Variants in TMEM132D observed in about 807,000 individuals in gnomAD.
TMEM132D encodes the protein transmembrane protein 132D, also known as mature OL transmembrane protein.
TMEM132D carries 21 observed loss-of-function variants against 62.3 expected under a neutral mutation model. The observed-to-expected ratio is 0.34, with a 90% confidence interval of 0.24 to 0.49. The LOEUF is 0.49. TMEM132D is among the 20% of genes least tolerant of loss of function. The pLI, the probability that TMEM132D is intolerant of heterozygous loss-of-function variation, is 0.99. For synonymous variants in TMEM132D, 621 were observed against 575.6 expected, an observed-to-expected ratio of 1.08 and a Z score of -1.13; for missense variants, 1,346 against 1,402.8, an observed-to-expected ratio of 0.96 and a Z score of 0.65.
At chr12:129,299,904 T>C (rs1165036871) in intron 4 of TMEM132D, among the ~76,000 whole-genome samples, 4 of 152,204 alleles carry the variant, frequency 2.6e-5, no homozygotes, top group Non-Finnish European at 4.4e-5. Context: ...ATCATTTTCA[T>C]AGGCAAACTT....
intron 4 of TMEM132D, among the ~76,000 whole-genome samples, chr12:129,314,880 T>C (rs933284774): frequency 6.6e-6 from 1 of 151,986 alleles, no homozygotes; most frequent in African/African-American, 2.4e-5. Context: ...TATTTATTTA[T>C]TTATCTATCT....
chr12:129,712,851 G>A (rs892028070), intron 1 of TMEM132D, among the ~76,000 whole-genome samples: 1 of 152,088 alleles, frequency 6.6e-6, no homozygotes, highest in Non-Finnish European at 1.5e-5. Context: ...GCAGCCAGAA[G>A]GAACGTCTCA....
intron 4 of TMEM132D, among the ~76,000 whole-genome samples, chr12:129,211,751 C>A (rs1879055312): frequency 6.6e-6 from 1 of 152,272 alleles, no homozygotes; most frequent in Non-Finnish European, 1.5e-5. Context: ...TATGCATAGG[C>A]CTTCAAAGTC....
intron 5 of TMEM132D, among the ~76,000 whole-genome samples, chr12:129,189,411 C>T (rs1182759511): frequency 6.6e-6 from 1 of 152,126 alleles, no homozygotes; most frequent in African/African-American, 2.4e-5. Context: ...CTGGCTCAGG[C>T]CTCAGAATCA....
At chr12:129,658,197 A>G (rs1653967676) in intron 2 of TMEM132D, among the ~76,000 whole-genome samples, 1 of 152,248 alleles carries the variant, frequency 6.6e-6, no homozygotes, top group Non-Finnish European at 1.5e-5. Context: ...AAAAGAAAGC[A>G]GCATCAGTAA....
At chr12:129,641,239 G>A (rs2137175027) in intron 2 of TMEM132D, among the ~76,000 whole-genome samples, 1 of 152,294 alleles carries the variant, frequency 6.6e-6, no homozygotes, top group African/African-American at 2.4e-5. Flanking sequence ...CAAAAAGACA[G>A]TAGGAAGCCC....
chr12:129,256,597 T>C (rs1200621286), intron 4 of TMEM132D, among the ~76,000 whole-genome samples: 2 of 152,168 alleles, frequency 1.3e-5, no homozygotes, highest in Non-Finnish European at 2.9e-5. Context: ...AGTTTTTGTA[T>C]TTTTAGTAGA....
At chr12:129,410,789 A>G (rs1195010477) in intron 3 of TMEM132D, among the ~76,000 whole-genome samples, 3 of 152,234 alleles carry the variant, frequency 2.0e-5, no homozygotes, top group Non-Finnish European at 4.4e-5. Context: ...CATACATTAC[A>G]TGTGCATACT....
At chr12:129,303,577 G>A (rs1881771524) in intron 4 of TMEM132D, among the ~76,000 whole-genome samples, 2 of 139,684 alleles carry the variant, frequency 1.4e-5, no homozygotes, top group Non-Finnish European at 3.1e-5. Context: ...ATCATCACTC[G>A]CCGGGACTCT....
chr12:129,206,749 A>T (rs973745416), intron 5 of TMEM132D, among the ~76,000 whole-genome samples: 1 of 152,242 alleles, frequency 6.6e-6, no homozygotes, highest in Non-Finnish European at 1.5e-5. Context: ...TGGTACATAT[A>T]CACCATGGAA....
rs115352997 is a variant in TMEM132D, at chr12:129,734,418, C to T, written c.80-33720G>A. On this transcript the variant is annotated intron_variant, in intron 1 of 8. Transcript: ENST00000422113. ...CCTCAGTGAAGTACTTTTTTTCTGA[C>T]CATCCCTGTTTTTCTCTAAACTTCT... Among the ~76,000 whole-genome samples the T allele has an allele frequency of 1.2e-3, 189 of 152,264 alleles. 1 individual carries two copies. Among genetic ancestry groups the T allele is most frequent in the African/African-American group, 4.4e-3 (182 of 41,560 alleles).
intron 3 of TMEM132D, among the ~76,000 whole-genome samples, chr12:129,524,918 T>C: frequency 1.1e-5 from 1 of 90,364 alleles, no homozygotes; most frequent in Non-Finnish European, 2.1e-5. Flanking sequence ...TCATATTTTT[T>C]TCTTTTTTCT....
intron 3 of TMEM132D, among the ~76,000 whole-genome samples, chr12:129,373,498 G>C (rs529957623): frequency 6.6e-6 from 1 of 152,222 alleles, no homozygotes; most frequent in Non-Finnish European, 1.5e-5. Context: ...CAGGCTCGGT[G>C]GCGGGCGCCT....
intron 4 of TMEM132D, among the ~76,000 whole-genome samples, chr12:129,330,685 G>A (rs1869076222): frequency 6.6e-6 from 1 of 152,208 alleles, no homozygotes; most frequent in African/African-American, 2.4e-5. Context: ...GGACTCTGCA[G>A]AGAGTTCCCC....
At chr12:129,595,958 G>A (rs1216301099) in intron 2 of TMEM132D, among the ~76,000 whole-genome samples, 1 of 152,192 alleles carries the variant, frequency 6.6e-6, no homozygotes, top group African/African-American at 2.4e-5. Context: ...ACACACTTGG[G>A]AAGAAGTTGG....
intron 2 of TMEM132D, among the ~76,000 whole-genome samples, chr12:129,591,203 T>C (rs1312557297): frequency 6.6e-6 from 1 of 152,152 alleles, no homozygotes; most frequent in African/African-American, 2.4e-5. Context: ...GTGAGTCAGA[T>C]CAAAAGGGTA....
At chr12:129,328,331 G>A (rs1239156658) in intron 4 of TMEM132D, among the ~76,000 whole-genome samples, 2 of 152,210 alleles carry the variant, frequency 1.3e-5, no homozygotes, top group Non-Finnish European at 2.9e-5. Flanking sequence ...AGTGAGCTCA[G>A]GAAATGCTTT....
chr12:129,889,655 GT>G (rs1227357083), intron 1 of TMEM132D, among the ~76,000 whole-genome samples: 1 of 152,156 alleles, frequency 6.6e-6, no homozygotes, highest in Non-Finnish European at 1.5e-5. Flanking sequence ...TTATCTTATA[GT>G]TTGCTTCAGA....
intron 1 of TMEM132D, among the ~76,000 whole-genome samples, chr12:129,902,527 A>C (rs1296041591): frequency 1.3e-5 from 2 of 152,224 alleles, no homozygotes; most frequent in Admixed American, 1.3e-4. Flanking sequence ...ATGCTGGCAG[A>C]AGAGAAGAGG....
Sources: gnomAD v4.1 joint callset for allele counts (sites outside exome capture counted in the v4.1 genomes callset) on GRCh38, gnomAD v4.1.1 for gene constraint, MANE v1.5 for transcripts, NCBI Gene and HGNC (gene_info 2026-07-23, HGNC 2026-07-21) for gene names.